Variants in GSTA2 observed in about 807,000 individuals in gnomAD.
GSTA2 encodes the protein glutathione S-transferase alpha 2.
GSTA2 carries 27 observed loss-of-function variants against 22.4 expected under a neutral mutation model. That is an observed-to-expected ratio of 1.21 (90% CI 0.89 to 1.67). GSTA2 has a LOEUF of 1.67. Among genes scored for constraint, GSTA2 ranks in the 40% most tolerant of loss-of-function variants. The probability of loss-of-function intolerance (pLI) is 0.00; values close to 1 mark genes in which losing one functional copy is unlikely to be tolerated. For missense variants in GSTA2, 302 were observed against 260.2 expected, an observed-to-expected ratio of 1.16 and a Z score of -1.11; for synonymous variants, 121 against 86.8, an observed-to-expected ratio of 1.39 and a Z score of -2.19.
In GSTA2 at chr6:52,755,744, C is replaced by T. The variant is rs1762830246; in HGVS notation, c.139+514G>A. Among the ~76,000 whole-genome samples the T allele has an allele frequency of 2.0e-5, 3 of 151,500 alleles. No individual in the cohort carries two copies. In the South Asian group the frequency reaches 6.2e-4, roughly 31 times the overall value. On this transcript the variant is annotated intron_variant, in intron 3 of 6. Transcript: ENST00000493422. Reference sequence around the variant, plus strand: ...AAAACAGGATGTTCCCAGAGTAAGTCTCATGGTGTTTATGATATTTAAGGC... The same window carrying T: ...AAAACAGGATGTTCCCAGAGTAAGTTTCATGGTGTTTATGATATTTAAGGC...
At chr6:52,752,806 A>G in intron 5 of GSTA2, 48 bp downstream of exon 5, 2 of 1,610,416 alleles carry the variant, frequency 1.2e-6, no homozygotes, top group African/African-American at 1.3e-5. Context: ...CTATTTTTCT[A>G]CTGGCTTCTA....
intron 2 of GSTA2, among the ~76,000 whole-genome samples, chr6:52,757,430 T>C (rs1380065294): frequency 6.7e-6 from 1 of 148,158 alleles, no homozygotes; most frequent in African/African-American, 2.5e-5. Context: ...CAGATCCATA[T>C]GATTAATCCT....
chr6:52,759,601 T>TTTTTTTA (rs1762918515), intron 1 of GSTA2, among the ~76,000 whole-genome samples: 1 of 106,878 alleles, frequency 9.4e-6, no homozygotes, highest in Non-Finnish European at 2.0e-5. Context: ...TTTTTTTTTT[T>TTTTTTTA]GAGACAGAGT....
intron 4 of GSTA2, 26 bp from the exon 5 acceptor site, chr6:52,753,021 T>G (rs768974457): frequency 7.8e-5 from 123 of 1,574,244 alleles, no homozygotes; most frequent in Non-Finnish European, 1.0e-4. Context: ...AACCAAATGG[T>G]CAAATATCTT....
At chr6:52,758,310 A>C (rs1225598254) in intron 1 of GSTA2, among the ~76,000 whole-genome samples, 52 of 152,216 alleles carry the variant, frequency 3.4e-4, no homozygotes, top group Non-Finnish European at 1.2e-4. Flanking sequence ...AAAACTTCCT[A>C]GTGATCCTTC....
intron 6 of GSTA2, 67 bp from the exon 7 acceptor site, chr6:52,750,766 C>T (rs539491584): frequency 2.9e-4 from 463 of 1,576,614 alleles, no homozygotes; most frequent in Non-Finnish European, 3.4e-4. Context: ...ATTAACATGA[C>T]CCAGGGAATC....
intron 4 of GSTA2, among the ~76,000 whole-genome samples, chr6:52,753,674 A>C (rs1762788845): frequency 6.6e-6 from 1 of 152,184 alleles, no homozygotes; most frequent in East Asian, 1.9e-4. Flanking sequence ...TTTTGTGTCA[A>C]ACTGGAGTTT....
rs79748698 is a variant in GSTA2 at position 52,755,173 on chromosome 6, C to T, written c.140-98G>A. 5,423 of 1,483,858 alleles carry T rather than the reference C, an allele frequency of 3.7e-3. 156 individuals carry two copies. In the African/African-American group the frequency reaches 0.065, roughly 18 times the overall value. 91.9% of individuals were successfully genotyped at this position (1,483,858 alleles called of 1,614,324 possible). A position where few individuals can be genotyped will look rare whatever the true frequency, so the allele number is the denominator to read the frequency against. ...TGTTGAAATGACTAAATTTGTAAAACGAAAAAGAAATTACTGCCTGGTAAG... is the reference window on the plus strand; with the variant it reads ...TGTTGAAATGACTAAATTTGTAAAATGAAAAAGAAATTACTGCCTGGTAAG... On this transcript the variant is annotated intron_variant, in intron 3 of 6. Transcript: ENST00000493422.
intron 1 of GSTA2, among the ~76,000 whole-genome samples, chr6:52,759,711 A>G (rs919020720): frequency 6.6e-6 from 1 of 150,940 alleles, no homozygotes; most frequent in African/African-American, 2.4e-5. Flanking sequence ...CAGCATCCTG[A>G]GTAGCTGGGA....
In GSTA2 at chr6:52,751,660, G is replaced by A. The variant is rs146304331; in HGVS notation, c.463C>T (p.Arg155Trp). Residue 155 changes from arginine (R) to tryptophan (W), a missense_variant, in exon 6 of 7, where the codon CGG becomes TGG. Arg to Trp is a moderately radical substitution (Grantham distance 101). Coordinates refer to ENST00000493422, the MANE Select transcript of GSTA2 (RefSeq NM_000846.5). ...AGTTCCACCAGGTGAATGTCAGCCC[G>A]GCTCAGCTTGTTGCCAACAAGGTAG... ...QDYLVGNKLS[R>W]ADIHLVELLY... 2.7e-4 allele frequency: 437 copies of A among 1,614,122 alleles called. 2 individuals carry two copies. In the African/African-American group the frequency reaches 4.2e-3, roughly 15 times the overall value.
intron 1 of GSTA2, among the ~76,000 whole-genome samples, chr6:52,760,735 G>T (rs181879154): frequency 6.6e-6 from 1 of 152,164 alleles, no homozygotes; most frequent in African/African-American, 2.4e-5. Flanking sequence ...GTTGGAAGGA[G>T]AGGGCGAGAG....
intron 4 of GSTA2, among the ~76,000 whole-genome samples, chr6:52,753,705 G>A (rs1762789091): frequency 6.6e-6 from 1 of 152,134 alleles, no homozygotes; most frequent in South Asian, 2.1e-4. Flanking sequence ...TTTAAAACAA[G>A]AGCTTTACTG....
chr6:52,759,267 A>G (rs73740545), intron 1 of GSTA2, among the ~76,000 whole-genome samples: 2,677 of 152,256 alleles, frequency 0.018, 85 homozygotes, highest in African/African-American at 0.06. Context: ...TATCAGTGAA[A>G]TTTGATAGCC....
Position 52,750,693 on chromosome 6 carries a change from T to C in GSTA2, c.553A>G (p.Lys185Glu), listed in dbSNP as rs1319260216. The C allele has an allele frequency of 2.5e-6, 4 of 1,612,478 alleles. No individual in the cohort carries two copies. The African/African-American group carries it at 5.3e-5, about 22-fold the overall frequency. The change falls in exon 7 of 7, where the codon AAA becomes GAA. Residue 185 changes from lysine (K) to glutamate (E), a missense_variant. Coordinates refer to ENST00000493422, the MANE Select transcript of GSTA2 (RefSeq NM_000846.5). Reference sequence around the variant, plus strand: ...GTGGGCAGGTTACTGATTCTGGTTTTCAGGGCCTGTAATCCACAAAGCACA... The same window carrying C: ...GTGGGCAGGTTACTGATTCTGGTTTCCAGGGCCTGTAATCCACAAAGCACA... ...ISSFPLLKALKTRISNLPTVK... is the reference protein window; with the variant it reads ...ISSFPLLKALETRISNLPTVK...
chr6:52,755,215 C>CTTT (rs10626189), intron 3 of GSTA2, 140 bp from the exon 4 acceptor site: 10,496 of 702,970 alleles, frequency 0.015, 64 homozygotes, highest in African/African-American at 0.053. Context: ...CTTGAAACAA[C>CTTT]TTTTTTTTTT....
At position 52,750,354 on chromosome 6, in the gene GSTA2, G is replaced by T; in HGVS notation, c.*223C>A. ...AATTTGTAATTCCAAGAAAATTGTT[G>T]GCTAGGAGGAGATTGGAAAACTGAA... On this transcript the variant is annotated 3_prime_UTR_variant, in exon 7 of 7. Transcript: ENST00000493422. 1 of 354,010 alleles carries T rather than the reference G, an allele frequency of 2.8e-6. No individual in the cohort carries two copies. 21.9% of individuals were successfully genotyped at this position (354,010 alleles called of 1,614,324 possible).
chr6:52,752,825 T>A (rs1762768049), intron 5 of GSTA2, 29 bp downstream of exon 5: 1 of 1,612,760 alleles, frequency 6.2e-7, no homozygotes, highest in African/African-American at 1.3e-5. Flanking sequence ...TAAACTCAGT[T>A]CCCCAAAACA....
rs1762815300 is a variant in GSTA2 at position 52,755,071 on chromosome 6, T to G, written c.144A>C (p.Gly48=). The change falls in exon 4 of 7, where the codon GGA becomes GGC. Residue 48 remains glycine (G), a synonymous_variant. Coordinates refer to ENST00000493422, the MANE Select transcript of GSTA2 (RefSeq NM_000846.5). ...TTGGCACTTGCTGGAACATCAAATA[T>G]CCATCTTTAAGAGGAAGAAAAAAAA... The part of the protein sequence containing the change: ...AEDLDKLRND[G]YLMFQQVPMV... 4.3e-6 allele frequency: 7 copies of G among 1,613,900 alleles called. No homozygotes were observed. The highest frequency in any genetic ancestry group is 5.9e-6 in the Non-Finnish European group (7 of 1,179,998).
intron 4 of GSTA2, 86 bp from the exon 5 acceptor site, chr6:52,753,081 G>A (rs1762775706): frequency 3.0e-6 from 4 of 1,333,442 alleles, no homozygotes; most frequent in Non-Finnish European, 4.1e-6. Context: ...TAGAGTATCA[G>A]GTGATGGCAA....
Sources: allele counts gnomAD v4.1 joint callset (sites outside exome capture counted in the v4.1 genomes callset), GRCh38; gene constraint gnomAD v4.1.1; transcripts MANE v1.5; gene names NCBI Gene and HGNC (gene_info 2026-07-23, HGNC 2026-07-21).